The following VCF1 variants were observed in gnomAD, a reference collection of about 807,000 sequenced individuals.
VCF1 encodes the protein protein VCF1.
At chr17:73,211,902 G>A in the VCF1 span, among the ~76,000 whole-genome samples, 2 of 152,098 alleles carry the variant, frequency 1.3e-5, no homozygotes, top group Admixed American at 6.5e-5. Context: ...GTGGTGGCTC[G>A]CGCCTATAGT....
the VCF1 span, among the ~76,000 whole-genome samples, chr17:73,225,763 T>G: frequency 1.3e-5 from 2 of 151,436 alleles, no homozygotes; most frequent in Non-Finnish European, 2.9e-5. Flanking sequence ...TCTAATCTTG[T>G]TTTCTTTCAT....
At chr17:73,223,198 T>C in the VCF1 span, among the ~76,000 whole-genome samples, 1 of 152,096 alleles carries the variant, frequency 6.6e-6, no homozygotes, top group African/African-American at 2.4e-5. Flanking sequence ...ATGCCTGTAA[T>C]CCCAGCTACT....
chr17:73,207,772 T>C, the VCF1 span: 11 of 1,289,388 alleles, frequency 8.5e-6, no homozygotes, highest in Non-Finnish European at 1.1e-5. Flanking sequence ...GCATGTGTGT[T>C]TGAAAGCTCA....
the VCF1 span, chr17:73,232,348 G>A: frequency 6.6e-7 from 1 of 1,518,174 alleles, no homozygotes; most frequent in Non-Finnish European, 8.8e-7. Context: ...GCTGCGCAGT[G>A]GCACCATCCC....
the VCF1 span, among the ~76,000 whole-genome samples, chr17:73,212,446 TAAA>T: frequency 2.5e-4 from 38 of 152,042 alleles, no homozygotes; most frequent in Middle Eastern, 0.027. Context: ...AATAAAAAAA[TAAA>T]AACCTCATGA....
chr17:73,208,989 T>TA, the VCF1 span: 1 of 222,860 alleles, frequency 4.5e-6, no homozygotes, highest in African/African-American at 2.3e-5. Context: ...GTTCTCCTGT[T>TA]ACACAGGAGA....
chr17:73,229,256 TTC>T, the VCF1 span: 1 of 985,472 alleles, frequency 1.0e-6, no homozygotes, highest in Non-Finnish European at 1.2e-6. Flanking sequence ...ATTTGCCTTT[TTC>T]TAGGCTCTTA....
chr17:73,218,450 C>T, the VCF1 span, among the ~76,000 whole-genome samples: 1 of 150,832 alleles, frequency 6.6e-6, no homozygotes, highest in Non-Finnish European at 1.5e-5. Flanking sequence ...AAAGTTCCTT[C>T]TGAATGGAAA....
chr17:73,228,507 T>C, the VCF1 span, among the ~76,000 whole-genome samples: 1 of 150,720 alleles, frequency 6.6e-6, no homozygotes, highest in Non-Finnish European at 1.5e-5. Context: ...CTAACTTTAA[T>C]AATGAGTATG....
the VCF1 span, among the ~76,000 whole-genome samples, chr17:73,223,154 C>T: frequency 6.6e-6 from 1 of 152,040 alleles, no homozygotes; most frequent in Non-Finnish European, 1.5e-5. Context: ...CTTGCCTTTA[C>T]TAAAAATACA....
chr17:73,208,268 G>C, the VCF1 span: 2 of 1,611,568 alleles, frequency 1.2e-6, no homozygotes, highest in Non-Finnish European at 1.7e-6. Flanking sequence ...GTGGGCAGGA[G>C]GGCTCAGGCC....
At chr17:73,212,640 T>C in the VCF1 span, 1 of 1,546,658 alleles carries the variant, frequency 6.5e-7, no homozygotes, top group East Asian at 2.3e-5. Flanking sequence ...ATCATGAATA[T>C]TTAACAAACA....
chr17:73,209,190 T>C, the VCF1 span: 2 of 298,266 alleles, frequency 6.7e-6, no homozygotes, highest in African/African-American at 2.2e-5. Flanking sequence ...TTACATAAAG[T>C]AGAGTTTCTA....
the VCF1 span, among the ~76,000 whole-genome samples, chr17:73,219,643 C>G: frequency 1.4e-5 from 2 of 145,526 alleles, no homozygotes; most frequent in Admixed American, 7.1e-5. Flanking sequence ...GAGCGAGACT[C>G]TGTCTCCAAA....
chr17:73,213,963 C>G, the VCF1 span, among the ~76,000 whole-genome samples: 5 of 151,502 alleles, frequency 3.3e-5, no homozygotes, highest in South Asian at 1.0e-3. Context: ...AAGTGAGACT[C>G]TGTTTCAAAA....
chr17:73,232,272 C>T, the VCF1 span: 1 of 1,605,068 alleles, frequency 6.2e-7, no homozygotes, highest in Non-Finnish European at 8.5e-7. Flanking sequence ...ACCCGTACCA[C>T]CACTACTTCC....
the VCF1 span, among the ~76,000 whole-genome samples, chr17:73,222,159 C>T: frequency 4.1e-5 from 6 of 146,968 alleles, no homozygotes; most frequent in Admixed American, 2.7e-4. Context: ...GACAGCACCA[C>T]GGCACTCCTG....
chr17:73,225,882 A>ATATATATAT, the VCF1 span, among the ~76,000 whole-genome samples: 1 of 74,700 alleles, frequency 1.3e-5, no homozygotes, highest in African/African-American at 5.5e-5. Context: ...ATATATATAT[A>ATATATATAT]ATATATATAT....
At chr17:73,209,668 A>G in the VCF1 span, 8 of 1,551,750 alleles carry the variant, frequency 5.2e-6, no homozygotes, top group South Asian at 7.1e-5. Flanking sequence ...GGATCCGGCC[A>G]TGGTCTGGCT....
Sources: allele counts gnomAD v4.1 joint callset (sites outside exome capture counted in the v4.1 genomes callset), GRCh38; gene constraint gnomAD v4.1.1; transcripts MANE v1.5; gene names NCBI Gene and HGNC (gene_info 2026-07-23, HGNC 2026-07-21).